GPR160: variants seen among roughly 807,000 people sequenced by gnomAD.
GPR160 encodes G protein-coupled receptor 160.
In GPR160, 2 loss-of-function variants were observed where a neutral mutation model predicts 2.6. The ratio of observed to expected loss-of-function variants is 0.77; its 90% CI spans 0.32 to 2.44. The LOEUF (loss-of-function observed/expected upper bound fraction) is 2.44, where lower values mean the gene tolerates loss of function less well. Ranked by LOEUF, GPR160 falls within the 30% of genes most tolerant of loss-of-function variation. The probability of loss-of-function intolerance (pLI) is 0.11; values close to 1 mark genes in which losing one functional copy is unlikely to be tolerated. For missense variants in GPR160, 351 were observed against 383.6 expected (o/e 0.91, Z 0.71); for synonymous variants, 130 against 132.2 (o/e 0.98, Z 0.12).
chr3:170,046,463 C>A (rs1275808926), intron 2 of GPR160, among the ~76,000 whole-genome samples: 1 of 152,148 alleles, frequency 6.6e-6, no homozygotes, highest in Non-Finnish European at 1.5e-5. Context: ...CACCGCCTGG[C>A]AGGGGTTTAA....
At chr3:170,059,515 G>A (rs1029639792) in intron 2 of GPR160, among the ~76,000 whole-genome samples, 1 of 152,154 alleles carries the variant, frequency 6.6e-6, no homozygotes, top group African/African-American at 2.4e-5. Context: ...TTGAACAAAT[G>A]AATCAATATA....
At chr3:170,051,679 C>T (rs1716964386) in intron 2 of GPR160, among the ~76,000 whole-genome samples, 2 of 152,084 alleles carry the variant, frequency 1.3e-5, no homozygotes, top group Admixed American at 1.3e-4. Flanking sequence ...GACCCAGGAT[C>T]GTACCACTGC....
intron 2 of GPR160, among the ~76,000 whole-genome samples, chr3:170,071,245 C>T (rs1712575875): frequency 6.6e-6 from 1 of 152,152 alleles, no homozygotes; most frequent in African/African-American, 2.4e-5. Flanking sequence ...ATCATGGGGG[C>T]AGATCCCTCA....
In GPR160 at chr3:170,066,551, T is replaced by A. The variant is rs370765318; in HGVS notation, c.-192-13223T>A. Among the ~76,000 whole-genome samples the A allele has an allele frequency of 1.8e-4, 28 of 152,282 alleles. No individual in the cohort carries two copies. In the South Asian group the frequency reaches 5.8e-3, roughly 32 times the overall value. ...ATGTCCATATCATTACATGGAGAGT[T>A]CCTCATTTTTAAAAGAGAGCTGCAT... On this transcript the variant is annotated intron_variant, in intron 2 of 3. Transcript: ENST00000355897.
chr3:170,065,485 T>A (rs1239898023), intron 2 of GPR160, among the ~76,000 whole-genome samples: 1 of 152,252 alleles, frequency 6.6e-6, no homozygotes, highest in Admixed American at 6.5e-5. Flanking sequence ...TTTCTTCTCT[T>A]CTAATGCATC....
intron 2 of GPR160, among the ~76,000 whole-genome samples, chr3:170,071,408 A>C (rs1712588015): frequency 6.6e-6 from 1 of 152,120 alleles, no homozygotes; most frequent in African/African-American, 2.4e-5. Context: ...GCCTTCCGCC[A>C]TGGTTGTAAA....
chr3:170,039,634 G>T (rs1220205561), intron 2 of GPR160, among the ~76,000 whole-genome samples: 1 of 152,190 alleles, frequency 6.6e-6, no homozygotes, highest in Non-Finnish European at 1.5e-5. Flanking sequence ...GCTTGAACCC[G>T]GGAGGCGGAG....
chr3:170,060,630 A>C (rs574208896), intron 2 of GPR160, among the ~76,000 whole-genome samples: 2 of 152,200 alleles, frequency 1.3e-5, no homozygotes, highest in South Asian at 4.2e-4. Context: ...TTAACTGGGC[A>C]TGGTGGTGCA....
At chr3:170,059,082 C>T (rs2108324408) in intron 2 of GPR160, among the ~76,000 whole-genome samples, 1 of 151,812 alleles carries the variant, frequency 6.6e-6, no homozygotes, top group Non-Finnish European at 1.5e-5. Context: ...GAAAGATGCA[C>T]AGGAACTATA....
Position 170,084,919 on chromosome 3 carries a change from G to A in GPR160, c.947G>A (p.Cys316Tyr), listed in dbSNP as rs749569388. 3 of 1,604,306 alleles carry A rather than the reference G, an allele frequency of 1.9e-6. No homozygotes were observed. The highest frequency in any genetic ancestry group is 1.7e-6 in the Non-Finnish European group (2 of 1,173,092). Residue 316 changes from cysteine (C) to tyrosine (Y), a missense_variant, in exon 4 of 4, where the codon TGC becomes TAC. By Grantham distance (194) the Cys-to-Tyr change is radical (BLOSUM62 -2). Transcript: ENST00000355897. Reference protein sequence around the residue: ...LPLDPFVNWKCCFIPLTIPNL... With the variant: ...LPLDPFVNWKYCFIPLTIPNL... ...TTGGATCCATTTGTCAACTGGAAGT[G>A]CTGCTTCATTCCACTTACAATTCCT... is the stretch of plus-strand genomic sequence containing the variant.
chr3:170,040,618 T>C (rs1277279881), intron 2 of GPR160, among the ~76,000 whole-genome samples: 2 of 152,246 alleles, frequency 1.3e-5, no homozygotes, highest in East Asian at 3.8e-4. Context: ...TTAGCAGTTT[T>C]TCCTAATTGC....
At chr3:170,049,811 GGT>G (rs1716876480) in intron 2 of GPR160, 1 of 152,304 alleles carries the variant, frequency 6.6e-6, no homozygotes, top group Non-Finnish European at 1.5e-5. Context: ...CCTTCCTCAG[GGT>G]GTGTCCACAA....
chr3:170,069,001 A>G (rs1273206770), intron 2 of GPR160, among the ~76,000 whole-genome samples: 2 of 152,222 alleles, frequency 1.3e-5, no homozygotes, highest in African/African-American at 4.8e-5. Context: ...TCTTGTAATA[A>G]TAGTATTCCT....
At chr3:170,072,224 G>A (rs1172392067) in intron 2 of GPR160, among the ~76,000 whole-genome samples, 3 of 151,858 alleles carry the variant, frequency 2.0e-5, no homozygotes, top group East Asian at 3.9e-4. Context: ...ACAGGTGTCT[G>A]CCACCATGCC....
At chr3:170,046,323 G>A (rs1343673670) in intron 2 of GPR160, among the ~76,000 whole-genome samples, 1 of 152,198 alleles carries the variant, frequency 6.6e-6, no homozygotes, top group Non-Finnish European at 1.5e-5. Context: ...GTTGTTCGGG[G>A]ATTAAAATCT....
chr3:170,047,044 A>G (rs1483592563), intron 2 of GPR160, among the ~76,000 whole-genome samples: 2 of 152,220 alleles, frequency 1.3e-5, no homozygotes, highest in Non-Finnish European at 2.9e-5. Flanking sequence ...AGCAGGGCAG[A>G]GGTCTCCCCT....
At chr3:170,083,756 GTATTC>G (rs1239188950) in intron 3 of GPR160, 144 bp from the exon 4 acceptor site, 5 of 377,030 alleles carry the variant, frequency 1.3e-5, no homozygotes, top group Non-Finnish European at 2.3e-5. Flanking sequence ...ATTTTGTTCT[GTATTC>G]TATTAAGTAT....
chr3:170,062,759 C>T (rs999536968), intron 2 of GPR160: 7 of 929,834 alleles, frequency 7.5e-6, no homozygotes, highest in African/African-American at 5.0e-5. Context: ...TCCCAAGGAG[C>T]TCCAGGAAGG....
rs528295183 is a variant in GPR160 at position 170,063,552 on chromosome 3, CAAAAA to C, written c.-192-16204_-192-16200del. 1.0e-3 allele frequency among the ~76,000 whole-genome samples: 79 copies of C among 78,936 alleles called. 1 individual carries two copies. Among genetic ancestry groups the C allele is most frequent in the South Asian group, 2.5e-3 (5 of 2,008 alleles). The allele number at this position is 78,936 out of a possible 152,430, so 51.8% of individuals were successfully genotyped here. A position where few individuals can be genotyped will look rare whatever the true frequency, so the allele number is the denominator to read the frequency against. ...ATGTCTCAAAAACAAACAAAAAAAG[CAAAAA>C]AAAAAAAAAAAAAAAAACCTCAGCA... On this transcript the variant is annotated intron_variant, in intron 2 of 3. Transcript: ENST00000355897.
Sources: gnomAD v4.1 joint callset for allele counts (sites outside exome capture counted in the v4.1 genomes callset) on GRCh38, gnomAD v4.1.1 for gene constraint, MANE v1.5 for transcripts, NCBI Gene and HGNC (gene_info 2026-07-23, HGNC 2026-07-21) for gene names.